The following GLIPR2 variants were observed in gnomAD, a reference collection of about 807,000 sequenced individuals.
The protein encoded by GLIPR2 is GLI pathogenesis related 2, also known as Golgi-associated plant pathogenesis-related protein 1.
GLIPR2 carries 21 observed loss-of-function variants against 20.4 expected under a neutral mutation model. That is an observed-to-expected ratio of 1.03 (90% CI 0.73 to 1.48). The LOEUF (loss-of-function observed/expected upper bound fraction) is 1.48. Ranked by LOEUF, GLIPR2 falls within the 40% of genes most tolerant of loss-of-function variation. GLIPR2 has a pLI of 0.00. For synonymous variants in GLIPR2, 91 were observed against 80.5 expected, an observed-to-expected ratio of 1.13 and a Z score of -0.70; for missense variants, 205 against 200.1, an observed-to-expected ratio of 1.02 and a Z score of -0.15.
intron 1 of GLIPR2, among the ~76,000 whole-genome samples, chr9:36,137,116 G>GT (rs1262698394): frequency 2.0e-5 from 3 of 152,242 alleles, no homozygotes; most frequent in African/African-American, 7.2e-5. Context: ...TCACCAAAGT[G>GT]TGACAACAGC....
intron 4 of GLIPR2, among the ~76,000 whole-genome samples, chr9:36,157,385 C>G (rs1256229759): frequency 7.0e-6 from 1 of 142,704 alleles, no homozygotes; most frequent in South Asian, 2.3e-4. Context: ...CTCATTCTGT[C>G]GCCCAGGCTG....
At chr9:36,151,047 C>A in intron 4 of GLIPR2, 98 bp downstream of exon 4, 1 of 794,984 alleles carries the variant, frequency 1.3e-6, no homozygotes, top group Non-Finnish European at 2.2e-6. Context: ...AAAATCAATC[C>A]TTTCCTTCCT....
chr9:36,143,373 C>T (rs1384731220), intron 1 of GLIPR2, among the ~76,000 whole-genome samples: 1 of 152,190 alleles, frequency 6.6e-6, no homozygotes, highest in Non-Finnish European at 1.5e-5. Flanking sequence ...GGGAGTCCTC[C>T]TTTCCTGACG....
At chr9:36,153,525 A>G (rs1347743734) in intron 4 of GLIPR2, among the ~76,000 whole-genome samples, 1 of 151,976 alleles carries the variant, frequency 6.6e-6, no homozygotes, top group African/African-American at 2.4e-5. Flanking sequence ...CCTCCCCCAG[A>G]CCCTGTCTGC....
In GLIPR2 at chr9:36,162,447, G is replaced by A. The variant is rs1826097317; in HGVS notation, c.390G>A (p.Val130=). ...CAAGTGACGGGTCCTCCTTTGTGGT[G>A]GCCAGATACTTCCCAGCGGGGAATG... ...ASASDGSSFV[V]ARYFPAGNVV... Residue 130 remains valine (V), a synonymous_variant, in exon 5 of 5, where the codon GTG becomes GTA. Transcript: ENST00000377960. 1 of 1,614,056 alleles carries A rather than the reference G, an allele frequency of 6.2e-7. No homozygotes were observed. The highest frequency in any genetic ancestry group is 1.1e-5 in the South Asian group (1 of 91,094).
intron 1 of GLIPR2, among the ~76,000 whole-genome samples, chr9:36,142,440 A>G (rs1713361003): frequency 6.6e-6 from 1 of 152,166 alleles, no homozygotes; most frequent in African/African-American, 2.4e-5. Context: ...AACATGGGTA[A>G]GGTCATGGCA....
At chr9:36,138,178 CTG>C (rs1824912469) in intron 1 of GLIPR2, among the ~76,000 whole-genome samples, 1 of 152,130 alleles carries the variant, frequency 6.6e-6, no homozygotes, top group African/African-American at 2.4e-5. Flanking sequence ...ACTCCTTTCT[CTG>C]TAGAAATTTG....
At chr9:36,160,729 T>C (rs1401613545) in intron 4 of GLIPR2, among the ~76,000 whole-genome samples, 1 of 152,124 alleles carries the variant, frequency 6.6e-6, no homozygotes, top group Non-Finnish European at 1.5e-5. Context: ...ATAGATATGA[T>C]TTATATCTCA....
intron 4 of GLIPR2, among the ~76,000 whole-genome samples, chr9:36,152,750 C>CAAAAA (rs1217889590): frequency 2.4e-5 from 1 of 41,632 alleles, no homozygotes; most frequent in Non-Finnish European, 4.0e-5. Context: ...AACTCTGTCT[C>CAAAAA]AAAAAAAAAA....
At chr9:36,158,812 C>A (rs1285175090) in intron 4 of GLIPR2, among the ~76,000 whole-genome samples, 1 of 152,238 alleles carries the variant, frequency 6.6e-6, no homozygotes, top group Admixed American at 6.5e-5. Flanking sequence ...CGCCCGTAAT[C>A]CCAACACTTT....
intron 4 of GLIPR2, among the ~76,000 whole-genome samples, chr9:36,153,600 A>T (rs1467503947): frequency 6.6e-6 from 1 of 152,016 alleles, no homozygotes; most frequent in African/African-American, 2.4e-5. Flanking sequence ...TAGGTGAAAG[A>T]GCCTTTGAAA....
At chr9:36,149,616 A>G (rs904752961) in intron 3 of GLIPR2, among the ~76,000 whole-genome samples, 2 of 152,212 alleles carry the variant, frequency 1.3e-5, no homozygotes, top group African/African-American at 4.8e-5. Context: ...AGCCTTGAGC[A>G]GGTCCCTCCC....
intron 4 of GLIPR2, among the ~76,000 whole-genome samples, chr9:36,160,832 A>G (rs1380093196): frequency 6.6e-6 from 1 of 152,226 alleles, no homozygotes; most frequent in Non-Finnish European, 1.5e-5. Flanking sequence ...ACCTGAGGTC[A>G]GGAGTTCAAC....
chr9:36,153,120 C>T (rs1178183214), intron 4 of GLIPR2, among the ~76,000 whole-genome samples: 1 of 102,772 alleles, frequency 9.7e-6, no homozygotes, highest in Non-Finnish European at 1.9e-5. Context: ...GAGACTCTGT[C>T]TCAAAAAAAA....
At chr9:36,159,100 T>C (rs1825952541) in intron 4 of GLIPR2, among the ~76,000 whole-genome samples, 1 of 152,126 alleles carries the variant, frequency 6.6e-6, no homozygotes, top group Admixed American at 6.5e-5. Context: ...GAGCAAAGAA[T>C]GCATTACAGC....
chr9:36,136,916 G>T lies in GLIPR2; in HGVS notation c.13+125G>T. The T allele has an allele frequency of 1.8e-6, 2 of 1,129,092 alleles. No individual in the cohort carries two copies. Among genetic ancestry groups the T allele is most frequent in the Non-Finnish European group, 2.2e-6 (2 of 894,834 alleles). 69.9% of individuals were successfully genotyped at this position (1,129,092 alleles called of 1,614,324 possible). A position where few individuals can be genotyped will look rare whatever the true frequency, so the allele number is the denominator to read the frequency against. On this transcript the variant is annotated intron_variant, in intron 1 of 4. Coordinates refer to ENST00000377960, the MANE Select transcript of GLIPR2 (RefSeq NM_022343.4). This position sits in a 1 kb window ranked among gnomAD's most constrained non-coding sequence, Gnocchi z 4.3. Reference sequence around the variant, plus strand: ...CGGGAGCCCGGGGTGCGGGTGGAGGGCGCGCGGGCGGAGCGCCCCGGCGCG... The same window carrying T: ...CGGGAGCCCGGGGTGCGGGTGGAGGTCGCGCGGGCGGAGCGCCCCGGCGCG...
intron 1 of GLIPR2, chr9:36,141,716 C>T (rs536578095): frequency 1.5e-5 from 6 of 411,560 alleles, no homozygotes; most frequent in African/African-American, 8.3e-5. Context: ...TGCAGTGGTG[C>T]GATCATGGCT....
chr9:36,148,602 C>G lies in GLIPR2; in HGVS notation c.178C>G (p.Arg60Gly). 1 of 1,614,138 alleles carries G rather than the reference C, an allele frequency of 6.2e-7. No individual in the cohort carries two copies. The highest frequency in any genetic ancestry group is 8.5e-7 in the Non-Finnish European group (1 of 1,179,964). The change falls in exon 3 of 5, where the codon CGT becomes GGT. Residue 60 changes from arginine to glycine, a missense_variant. Physicochemically the swap from Arg to Gly is moderately radical, Grantham distance 125. Transcript: ENST00000377960. ...RILKHSPESS[R>G]GQCGENLAWA... is the part of the protein sequence containing the mutation. Reference sequence around the variant, plus strand: ...CCTCAAGCACAGCCCGGAGTCCAGCCGTGGCCAGTGTGGGGAGAACCTTGC... The same window carrying G: ...CCTCAAGCACAGCCCGGAGTCCAGCGGTGGCCAGTGTGGGGAGAACCTTGC...
chr9:36,162,018 C>CA (rs978581810), intron 4 of GLIPR2, among the ~76,000 whole-genome samples: 11 of 152,100 alleles, frequency 7.2e-5, no homozygotes, highest in Non-Finnish European at 1.5e-4. Context: ...ACTAAAAATA[C>CA]AAAAAAATTA....
Sources: gnomAD v4.1 joint callset for allele counts (sites outside exome capture counted in the v4.1 genomes callset) on GRCh38, gnomAD v4.1.1 for gene constraint, Gnocchi (gnomAD v3.1) non-coding constraint, MANE v1.5 for transcripts, NCBI Gene and HGNC (gene_info 2026-07-23, HGNC 2026-07-21) for gene names.